SH3KBP1: variants seen among roughly 807,000 people sequenced by gnomAD.
SH3KBP1 encodes the protein SH3 domain containing kinase binding protein 1.
A neutral mutation model predicts 50.1 loss-of-function variants in SH3KBP1; 8 were observed. The observed-to-expected ratio is 0.16, with a 90% CI of 0.09 to 0.29. The LOEUF (loss-of-function observed/expected upper bound fraction) is 0.29, where lower values mean the gene tolerates loss of function less well. Among genes scored for constraint, SH3KBP1 ranks in the 10% least tolerant of loss-of-function variants. SH3KBP1 has a pLI of 1.00. For synonymous variants in SH3KBP1, 227 were observed against 218.6 expected (o/e 1.04, Z -0.34); for missense variants, 377 against 535.2 (o/e 0.70, Z 2.92).
rs765232137 is a variant in SH3KBP1 at position 19,884,370 on chromosome X, T to C, written c.4+2937A>G. On this transcript the variant is annotated intron_variant, in intron 1 of 17. Coordinates refer to ENST00000397821, the MANE Select transcript of SH3KBP1 (RefSeq NM_031892.3). ...GGATAGATGAACAAATACTGCTGTA[T>C]GCAAAATACATTAAAAACAACTACA... is the stretch of plus-strand genomic sequence containing the variant. Among the ~76,000 whole-genome samples, 188 of 112,700 alleles carry C rather than the reference T, an allele frequency of 1.7e-3. 1 individual carries two copies. The highest frequency in any genetic ancestry group is 2.3e-3 in the Non-Finnish European group (121 of 53,345).
At chrX:19,565,511 G>T (rs757858918) in intron 13 of SH3KBP1, among the ~76,000 whole-genome samples, 1 of 111,372 alleles carries the variant, frequency 9.0e-6, no homozygotes, top group Admixed American at 9.5e-5. Context: ...ACATTTAGTG[G>T]GCACCCAGTG....
intron 1 of SH3KBP1, among the ~76,000 whole-genome samples, chrX:19,874,086 T>TATATATATATATATATAA (rs1206834816): frequency 3.5e-5 from 3 of 86,442 alleles, no homozygotes; most frequent in African/African-American, 1.0e-4. Flanking sequence ...TATATATATA[T>TATATATATATATATATAA]AAAACTCTAA....
chrX:19,777,249 T>G (rs1260323058), intron 2 of SH3KBP1, among the ~76,000 whole-genome samples: 1 of 111,201 alleles, frequency 9.0e-6, no homozygotes, highest in East Asian at 2.8e-4. Flanking sequence ...GTGGGAGGGT[T>G]AGACACAGAG....
At chrX:19,605,876 T>C (rs2067229487) in intron 9 of SH3KBP1, among the ~76,000 whole-genome samples, 1 of 112,402 alleles carries the variant, frequency 8.9e-6, no homozygotes, top group Admixed American at 9.4e-5. Context: ...CTCACGTGTC[T>C]CTACCAATAC....
At chrX:19,624,945 T>C (rs2067966793) in intron 8 of SH3KBP1, among the ~76,000 whole-genome samples, 1 of 112,373 alleles carries the variant, frequency 8.9e-6, no homozygotes, top group Non-Finnish European at 1.9e-5. Context: ...TCTGTCAGCA[T>C]GTCATCATCT....
intron 12 of SH3KBP1, among the ~76,000 whole-genome samples, chrX:19,570,298 G>A (rs747688411): frequency 5.7e-4 from 64 of 112,115 alleles, no homozygotes; most frequent in African/African-American, 2.0e-3. Flanking sequence ...GAGGCAGAGG[G>A]TAGTGGGCAA....
chrX:19,772,701 C>T (rs1430294177), intron 2 of SH3KBP1, among the ~76,000 whole-genome samples: 3 of 111,250 alleles, frequency 2.7e-5, no homozygotes, highest in African/African-American at 6.5e-5. Flanking sequence ...TGGGCGAGGA[C>T]AAATGTAATG....
At chrX:19,780,985 T>C (rs752245125) in intron 2 of SH3KBP1, among the ~76,000 whole-genome samples, 3 of 112,544 alleles carry the variant, frequency 2.7e-5, no homozygotes, top group African/African-American at 9.7e-5. Flanking sequence ...CAAATATTTC[T>C]ATACAAAGAT....
intron 6 of SH3KBP1, among the ~76,000 whole-genome samples, chrX:19,663,020 AG>A (rs1165498052): frequency 1.8e-5 from 2 of 111,299 alleles, no homozygotes; most frequent in Non-Finnish European, 3.8e-5. Context: ...TGGGAGGAAC[AG>A]GAGTCTTAAG....
Position 19,874,048 on chromosome X carries a change from CAAAA to C in SH3KBP1, c.4+13255_4+13258del, listed in dbSNP as rs55948760. Among the ~76,000 whole-genome samples the C allele has an allele frequency of 4.7e-3, 124 of 26,285 alleles. 3 individuals carry two copies. The highest frequency in any genetic ancestry group is 0.029 in the African/African-American group (115 of 3,942). 22.8% of individuals were successfully genotyped at this position (26,285 alleles called of 115,157 possible). On this transcript the variant is annotated intron_variant, in intron 1 of 17. Coordinates refer to ENST00000397821, the MANE Select transcript of SH3KBP1 (RefSeq NM_031892.3). ...GGGGCAACAGAGTGAGAGTCCATCT[CAAAA>C]AAAAAAAAAAAAAAAAATATATATA...
chrX:19,764,476 A>C (rs757811930), intron 2 of SH3KBP1, among the ~76,000 whole-genome samples: 2 of 110,890 alleles, frequency 1.8e-5, no homozygotes, highest in African/African-American at 6.6e-5. Context: ...ACTCTACTCC[A>C]TCATGGGACC....
At chrX:19,849,091 T>C (rs558579359) in intron 1 of SH3KBP1, among the ~76,000 whole-genome samples, 1 of 110,734 alleles carries the variant, frequency 9.0e-6, no homozygotes, top group African/African-American at 3.3e-5. Context: ...ATTACAGGCA[T>C]GAGCCACCGT....
chrX:19,723,382 A>G (rs1253207415), intron 3 of SH3KBP1, among the ~76,000 whole-genome samples: 1 of 112,137 alleles, frequency 8.9e-6, no homozygotes, highest in Non-Finnish European at 1.9e-5. Flanking sequence ...AGAGAAGCAT[A>G]GCTCTAAATG....
chrX:19,781,914 G>A (rs1207158861), intron 2 of SH3KBP1, among the ~76,000 whole-genome samples: 4 of 111,820 alleles, frequency 3.6e-5, no homozygotes, highest in Non-Finnish European at 7.5e-5. Context: ...TGACCAGGCA[G>A]ATTTTTTAAA....
intron 2 of SH3KBP1, among the ~76,000 whole-genome samples, chrX:19,763,513 A>G (rs1018902747): frequency 8.9e-6 from 1 of 111,962 alleles, no homozygotes; most frequent in Non-Finnish European, 1.9e-5. Flanking sequence ...TCTCATTTCT[A>G]ATAGCTCTCT....
chrX:19,598,980 T>C lies in SH3KBP1; in HGVS notation c.1006-3980A>G, dbSNP rs7064794. On this transcript the variant is annotated intron_variant, in intron 9 of 17. Transcript: ENST00000397821. Reference sequence around the variant, plus strand: ...GCTCCACATAGGGTTACCACAACCATTGAATTTGTAAAAAACGCAATATCT... The same window carrying C: ...GCTCCACATAGGGTTACCACAACCACTGAATTTGTAAAAAACGCAATATCT... Among the ~76,000 whole-genome samples, 441 of 112,201 alleles carry C rather than the reference T, an allele frequency of 3.9e-3. 3 individuals are homozygous for C. The highest frequency in any genetic ancestry group is 0.014 in the African/African-American group (426 of 30,859).
intron 13 of SH3KBP1, among the ~76,000 whole-genome samples, chrX:19,553,216 A>G (rs943846409): frequency 1.8e-5 from 2 of 111,165 alleles, no homozygotes; most frequent in African/African-American, 6.6e-5. Flanking sequence ...GGACTTGGTA[A>G]GTCCACTTGT....
chrX:19,828,510 G>A (rs1026259394), intron 2 of SH3KBP1, among the ~76,000 whole-genome samples: 5 of 110,532 alleles, frequency 4.5e-5, no homozygotes, highest in Non-Finnish European at 9.5e-5. Flanking sequence ...GCCCAGGCAC[G>A]GTGGCCCACG....
chrX:19,740,213 G>C (rs1345634238), intron 3 of SH3KBP1, among the ~76,000 whole-genome samples: 1 of 111,536 alleles, frequency 9.0e-6, no homozygotes, highest in African/African-American at 3.3e-5. Context: ...TAACAACGCA[G>C]TGTCCCAATA....
Sources: gnomAD v4.1 joint callset for allele counts (sites outside exome capture counted in the v4.1 genomes callset) on GRCh38, gnomAD v4.1.1 for gene constraint, MANE v1.5 for transcripts, NCBI Gene and HGNC (gene_info 2026-07-23, HGNC 2026-07-21) for gene names.